Variants in ROR1 observed in about 807,000 individuals in gnomAD.
ROR1 encodes the protein inactive tyrosine-protein kinase transmembrane receptor ROR1.
A neutral mutation model predicts 78.8 loss-of-function variants in ROR1; 19 were observed. The observed-to-expected ratio is 0.24, with a 90% CI of 0.17 to 0.35. The LOEUF (loss-of-function observed/expected upper bound fraction) is 0.35. Among genes scored for constraint, ROR1 ranks in the 10% least tolerant of loss-of-function variants. ROR1 has a pLI of 1.00. For missense variants in ROR1, 917 were observed against 1,177.8 expected (o/e 0.78, Z 3.24); for synonymous variants, 386 against 433.6 (o/e 0.89, Z 1.36).
At chr1:64,053,383 G>A (rs1051869382) in intron 4 of ROR1, among the ~76,000 whole-genome samples, 1 of 152,202 alleles carries the variant, frequency 6.6e-6, no homozygotes, top group Admixed American at 6.5e-5. Context: ...CTGAGGGACT[G>A]CATCAGGTTT....
rs188815615 is a variant in ROR1 at position 63,848,830 on chromosome 1, A to G, written c.91+74322A>G. Among the ~76,000 whole-genome samples, 9 of 152,302 alleles carry G rather than the reference A, an allele frequency of 5.9e-5. 1 individual carries two copies. Among genetic ancestry groups the G allele is most frequent in the African/African-American group, 2.2e-4 (9 of 41,572 alleles). On this transcript the variant is annotated intron_variant, in intron 1 of 8. Coordinates refer to ENST00000371079, the MANE Select transcript of ROR1 (RefSeq NM_005012.4). ...CATCCTGGAAATTTTTTGTCCCCAA[A>G]GGGACAAACCTACATTTGTGAAGAC...
chr1:63,811,397 C>G (rs7548860), intron 1 of ROR1, among the ~76,000 whole-genome samples: 12,108 of 152,188 alleles, frequency 0.08, 1,613 homozygotes, highest in African/African-American at 0.28. Flanking sequence ...ATTGGTCCAG[C>G]TGTTTAGGTT....
rs1004450028 is a variant in ROR1, at chr1:63,904,265, C to T, written c.92-105040C>T. 4.6e-5 allele frequency among the ~76,000 whole-genome samples: 7 copies of T among 152,214 alleles called. No homozygotes were observed. In the South Asian group the frequency reaches 1.0e-3, roughly 23 times the overall value. On this transcript the variant is annotated intron_variant, in intron 1 of 8. Transcript: ENST00000371079. ...CATCTAGTGATTCATTTTAAACTGA[C>T]GTTGTGTGCCCATGTTATAGAGGAG...
chr1:63,926,865 C>T (rs1291398350), intron 1 of ROR1, among the ~76,000 whole-genome samples: 2 of 93,746 alleles, frequency 2.1e-5, no homozygotes, highest in African/African-American at 6.3e-5. Flanking sequence ...ATTTTGTATC[C>T]TGAGACTTTG....
intron 7 of ROR1, among the ~76,000 whole-genome samples, chr1:64,150,420 C>G (rs1173097047): frequency 6.6e-6 from 1 of 152,230 alleles, no homozygotes; most frequent in Non-Finnish European, 1.5e-5. Context: ...AAACACCCAC[C>G]CTGGGCTCCA....
intron 1 of ROR1, among the ~76,000 whole-genome samples, chr1:63,816,084 C>T (rs1353787325): frequency 6.6e-6 from 1 of 152,192 alleles, no homozygotes; most frequent in Non-Finnish European, 1.5e-5. Flanking sequence ...AGCAACCAAA[C>T]ATTTGCTGTG....
intron 8 of ROR1, among the ~76,000 whole-genome samples, chr1:64,160,273 G>A (rs1194889916): frequency 6.6e-6 from 1 of 151,174 alleles, no homozygotes; most frequent in Non-Finnish European, 1.5e-5. Context: ...CTGACACAGA[G>A]CCCTCATTTT....
intron 2 of ROR1, among the ~76,000 whole-genome samples, chr1:64,017,595 G>GTAGGGGTCT (rs1646531439): frequency 6.6e-6 from 1 of 152,118 alleles, no homozygotes; most frequent in East Asian, 1.9e-4. Flanking sequence ...TCCTCACCAT[G>GTAGGGGTCT]TAGGGGTCTT....
At chr1:63,785,308 A>G (rs1161190792) in intron 1 of ROR1, among the ~76,000 whole-genome samples, 1 of 152,054 alleles carries the variant, frequency 6.6e-6, no homozygotes, top group Non-Finnish European at 1.5e-5. Flanking sequence ...CATTGTGGTG[A>G]TGGACTGTAT....
intron 1 of ROR1, among the ~76,000 whole-genome samples, chr1:63,874,741 A>G (rs1038913034): frequency 7.2e-5 from 11 of 152,126 alleles, no homozygotes; most frequent in African/African-American, 2.7e-4. Context: ...ACATTTTTGG[A>G]GGATGATAAA....
chr1:64,139,815 T>TTG (rs1649242262), intron 5 of ROR1, among the ~76,000 whole-genome samples: 1 of 152,220 alleles, frequency 6.6e-6, no homozygotes, highest in Non-Finnish European at 1.5e-5. Context: ...TTCGATTGCT[T>TTG]TGTAGTAAAA....
At chr1:64,007,441 C>G (rs1355495668) in intron 1 of ROR1, among the ~76,000 whole-genome samples, 2 of 150,138 alleles carry the variant, frequency 1.3e-5, no homozygotes, top group South Asian at 4.2e-4. Context: ...TAGTATAACC[C>G]CATTACAATA....
chr1:63,969,328 G>T (rs1646100367), intron 1 of ROR1, among the ~76,000 whole-genome samples: 1 of 152,144 alleles, frequency 6.6e-6, no homozygotes, highest in Non-Finnish European at 1.5e-5. Flanking sequence ...GTTCTTCCCA[G>T]TTTGGTCTCA....
At chr1:63,999,206 A>C (rs285377) in intron 1 of ROR1, among the ~76,000 whole-genome samples, 106,880 of 152,190 alleles carry the variant, frequency 0.7, 39,942 homozygotes, top group East Asian at 0.94. Context: ...GGCTCCTTTG[A>C]GTATCCAAGT....
chr1:63,905,129 T>C (rs964765608), intron 1 of ROR1, among the ~76,000 whole-genome samples: 1 of 152,038 alleles, frequency 6.6e-6, no homozygotes, highest in African/African-American at 2.4e-5. Flanking sequence ...GCAGAGAACA[T>C]GGAGGGCAGA....
chr1:64,092,758 C>T (rs1647211538), intron 4 of ROR1, among the ~76,000 whole-genome samples: 1 of 152,162 alleles, frequency 6.6e-6, no homozygotes, highest in Non-Finnish European at 1.5e-5. Flanking sequence ...GTGTGATCTT[C>T]CTTTACAGAA....
chr1:63,966,973 G>A (rs981965827), intron 1 of ROR1, among the ~76,000 whole-genome samples: 7 of 152,084 alleles, frequency 4.6e-5, no homozygotes, highest in Non-Finnish European at 8.8e-5. Flanking sequence ...CTTTGGTTAG[G>A]TGCTGCCTCA....
At chr1:64,112,459 C>T (rs778093405) in intron 4 of ROR1, among the ~76,000 whole-genome samples, 2 of 152,100 alleles carry the variant, frequency 1.3e-5, no homozygotes, top group African/African-American at 2.4e-5. Context: ...CTAGTGGCCA[C>T]GAATCAGATG....
intron 1 of ROR1, among the ~76,000 whole-genome samples, chr1:63,875,397 G>A (rs890971954): frequency 2.6e-5 from 4 of 152,142 alleles, no homozygotes; most frequent in African/African-American, 9.7e-5. Flanking sequence ...TAGCTCTGCT[G>A]TGTGTTTTGG....
Sources: gnomAD v4.1 joint callset for allele counts (sites outside exome capture counted in the v4.1 genomes callset) on GRCh38, gnomAD v4.1.1 for gene constraint, MANE v1.5 for transcripts, NCBI Gene and HGNC (gene_info 2026-07-23, HGNC 2026-07-21) for gene names.